MXRA8: variants seen among roughly 807,000 people sequenced by gnomAD.
The protein encoded by MXRA8 is matrix remodeling-associated protein 8.
A neutral mutation model predicts 51.4 loss-of-function variants in MXRA8; 44 were observed. That is an observed-to-expected ratio of 0.86 (90% CI 0.67 to 1.10). The LOEUF is 1.10. Ranked by LOEUF, MXRA8 falls within the 50% of genes least tolerant of loss-of-function variation. The pLI is 0.00. For missense variants in MXRA8, 765 were observed against 638.9 expected, an observed-to-expected ratio of 1.20 and a Z score of -2.13; for synonymous variants, 369 against 293.5, an observed-to-expected ratio of 1.26 and a Z score of -2.63.
In MXRA8 at chr1:1,352,932, A is replaced by G; in HGVS notation, c.*672T>C. ...GTGACTATCAAGGTGGCTGAGAGCA[A>G]GGCTAGGGTAGGGATGGGGCAGAGA... On this transcript the variant is annotated 3_prime_UTR_variant, in exon 10 of 10. Coordinates refer to ENST00000309212, the MANE Select transcript of MXRA8 (RefSeq NM_032348.4). The G allele has an allele frequency of 2.7e-6, 1 of 367,016 alleles. No individual in the cohort carries two copies. Among genetic ancestry groups the G allele is most frequent in the Non-Finnish European group, 5.0e-6 (1 of 200,128 alleles). The allele number at this position is 367,016 out of a possible 1,614,324, so 22.7% of individuals were successfully genotyped here.
chr1:1,362,357 C>G (rs565678163), upstream of MXRA8, among the ~76,000 whole-genome samples: 31 of 152,340 alleles, frequency 2.0e-4, no homozygotes, highest in Non-Finnish European at 3.7e-4. Context: ...CATCTGCCTC[C>G]TCTCGAGTAG....
Position 1,354,470 on chromosome 1 carries a change from A to G in MXRA8, c.989T>C (p.Ile330Thr). 1 of 1,612,386 alleles carries G rather than the reference A, an allele frequency of 6.2e-7. No individual in the cohort carries two copies. The highest frequency in any genetic ancestry group is 1.3e-5 in the African/African-American group (1 of 75,052). The change falls in exon 6 of 10, where the codon ATC (isoleucine) becomes ACC (threonine). Residue 330 changes from isoleucine (I) to threonine (T), a missense_variant. Coordinates refer to ENST00000309212, the MANE Select transcript of MXRA8 (RefSeq NM_032348.4). ...GAAGTGGGCTCGGCTCTCGGGGACG[A>G]TGACATTGATGACGTTGTGGCCGCG... ...LARGHNVINV[I>T]VPESRAHFFQ...
At chr1:1,361,159 CACAA>C (rs1011216618), upstream of MXRA8, 99 of 694,110 alleles carry the variant, frequency 1.4e-4, 1 homozygote, top group East Asian at 2.0e-3. Context: ...TACACGGAAA[CACAA>C]ACACACAGAC....
Position 1,358,525 on chromosome 1 carries a change from C to T in MXRA8, c.-21G>A. The T allele has an allele frequency of 2.5e-6, 4 of 1,610,232 alleles. No homozygotes were observed. Among genetic ancestry groups the T allele is most frequent in the Middle Eastern group, 1.7e-4 (1 of 6,044 alleles). On this transcript the variant is annotated 5_prime_UTR_variant, in exon 1 of 10. Coordinates refer to ENST00000309212, the MANE Select transcript of MXRA8 (RefSeq NM_032348.4). The stretch of plus-strand genomic sequence containing the variant: ...GCCATGGCCCCCGCCCAGCCCCAGG[C>T]TTTGTCCCACTCGGCTCTAAGTCTC...
Position 1,353,885 on chromosome 1 carries a change from G to A in MXRA8, c.1266C>T (p.His422=), listed in dbSNP as rs1173785524. 1.2e-6 allele frequency: 2 copies of A among 1,607,800 alleles called. No homozygotes were observed. Residue 422 remains histidine (H), a synonymous_variant, in exon 9 of 10, where the codon CAC becomes CAT. Transcript: ENST00000309212. ...CGATGTACTTGGCAGGCAGGGGGCTGTGGGCCAGCTCCGCCCTCTCCTTCA... is the reference window on the plus strand; with the variant it reads ...CGATGTACTTGGCAGGCAGGGGGCTATGGGCCAGCTCCGCCCTCTCCTTCA... ...NILKERAELA[H]SPLPAKYIDL...
In MXRA8 at chr1:1,356,708, G is replaced by T; in HGVS notation, c.50-4C>A. The stretch of plus-strand genomic sequence containing the variant: ...GAGTGCAGGAGAACAGCAGAGCCTG[G>T]AAGGAGAGGAGTGAGCTGGAGAGGC... On this transcript the variant is annotated splice_polypyrimidine_tract_variant and splice_region_variant and intron_variant, in intron 1 of 9. Transcript: ENST00000309212. 1 of 1,431,264 alleles carries T rather than the reference G, an allele frequency of 7.0e-7. No individual in the cohort carries two copies. Among genetic ancestry groups the T allele is most frequent in the Non-Finnish European group, 9.2e-7 (1 of 1,082,174 alleles). The allele number at this position is 1,431,264 out of a possible 1,614,324, so 88.7% of individuals were successfully genotyped here. A position where few individuals can be genotyped will look rare whatever the true frequency, so the allele number is the denominator to read the frequency against.
At position 1,355,677 on chromosome 1, in the gene MXRA8, GC is replaced by G; in HGVS notation, c.148del (p.Ala50ArgfsTer135). On this transcript the variant is annotated frameshift_variant, in exon 3 of 10. Transcript: ENST00000309212. LOFTEE classifies it high-confidence loss of function. ...GCGCGGGCTCTGGCAGCGCAGCACC[GC>G]CCGGGCGCCCGCCTCCCAGCTCACC... is the stretch of plus-strand genomic sequence containing the variant. ...SAVSWEAGAR[A>X]VLRCQSPRMV... is the part of the protein sequence containing the mutation. 7.4e-7 allele frequency: 1 copy of G among 1,357,214 alleles called. No homozygotes were observed. The highest frequency in any genetic ancestry group is 3.1e-5 in the East Asian group (1 of 32,316). The allele number at this position is 1,357,214 out of a possible 1,614,324, so 84.1% of individuals were successfully genotyped here.
intron 1 of MXRA8, among the ~76,000 whole-genome samples, chr1:1,358,249 C>T (rs1569807572): frequency 6.6e-6 from 1 of 152,202 alleles, no homozygotes; most frequent in East Asian, 1.9e-4. Flanking sequence ...GCTTCAACTC[C>T]CTAGGAGGGG....
At chr1:1,359,591 A>C (rs1026426337), upstream of MXRA8, 1 of 984,904 alleles carries the variant, frequency 1.0e-6, no homozygotes, top group Admixed American at 6.2e-5. Flanking sequence ...CTGGTGCCCA[A>C]GTCCTCAGAC....
At chr1:1,358,875 G>GTGGCCCCTCCGCCCCACCTC (rs1644183996), upstream of MXRA8, 23 of 1,028,264 alleles carry the variant, frequency 2.2e-5, no homozygotes, top group Non-Finnish European at 2.6e-5. Context: ...TGTTGGGTGA[G>GTGGCCCCTCCGCCCCACCTC]TGGCCCCTCC....
At chr1:1,359,534 G>GC, upstream of MXRA8, 1 of 985,368 alleles carries the variant, frequency 1.0e-6, no homozygotes, top group Non-Finnish European at 1.2e-6. Flanking sequence ...CTCCTTACAG[G>GC]CCCCGAGGGC....
chr1:1,361,127 A>C, upstream of MXRA8: 1 of 697,224 alleles, frequency 1.4e-6, no homozygotes, highest in Non-Finnish European at 2.6e-6. Flanking sequence ...GCACATGAAG[A>C]CACACGGACA....
chr1:1,358,211 GGGCCCCCAGCCCTTCTT>G (rs1644170834), intron 1 of MXRA8, among the ~76,000 whole-genome samples: 2 of 152,316 alleles, frequency 1.3e-5, no homozygotes, highest in African/African-American at 4.8e-5. Flanking sequence ...CGCCGTGCCT[GGGCCCCCAGCCCTTCTT>G]GGCCCTCTGG....
At chr1:1,358,383 C>T (rs980381334) in intron 1 of MXRA8, 73 bp downstream of exon 1, 5 of 1,499,118 alleles carry the variant, frequency 3.3e-6, no homozygotes, top group East Asian at 4.8e-5. Flanking sequence ...CTCAGATGGG[C>T]GGTTTTGTCC....
chr1:1,360,479 G>A (rs1175304553), upstream of MXRA8, among the ~76,000 whole-genome samples: 1 of 87,012 alleles, frequency 1.1e-5, no homozygotes, highest in Non-Finnish European at 2.4e-5. Context: ...CCTGGGCTGG[G>A]ACTGTGGAGC....
rs2100803735 is a variant in MXRA8, at chr1:1,354,891, G to A, written c.740C>T (p.Ala247Val). The change falls in exon 5 of 10, where the codon GCG becomes GTG. Residue 247 changes from alanine to valine, a missense_variant. Transcript: ENST00000309212. ...LFLRDRVAVG[A>V]DAFERGDFSL... ...GAAGTCACCGCGCTCAAAGGCATCCGCGCCCACAGCCACGCGGTCGCGCAG... is the reference window on the plus strand; with the variant it reads ...GAAGTCACCGCGCTCAAAGGCATCCACGCCCACAGCCACGCGGTCGCGCAG... The A allele has an allele frequency of 1.9e-6, 3 of 1,611,366 alleles. No homozygotes were observed. The highest frequency in any genetic ancestry group is 1.1e-5 in the South Asian group (1 of 90,966).
chr1:1,358,948 T>C, upstream of MXRA8: 3 of 985,306 alleles, frequency 3.0e-6, no homozygotes, highest in Non-Finnish European at 3.6e-6. Flanking sequence ...CTCAGTCTGC[T>C]CCAGGCCCCA....
At chr1:1,359,444 C>T (rs1026500069), upstream of MXRA8, 2 of 985,334 alleles carry the variant, frequency 2.0e-6, no homozygotes, top group African/African-American at 3.5e-5. Context: ...TCAAGCAAAC[C>T]TCAAGAAAAA....
upstream of MXRA8, chr1:1,361,311 C>G (rs2765025): frequency 0.96 from 676,782 of 703,336 alleles, 325,920 homozygotes; most frequent in African/African-American, 0.99. Context: ...CGTTTGCTGA[C>G]CACCTCCTGG....
Sources: allele counts gnomAD v4.1 joint callset (sites outside exome capture counted in the v4.1 genomes callset), GRCh38; gene constraint gnomAD v4.1.1; transcripts MANE v1.5; gene names NCBI Gene and HGNC (gene_info 2026-07-23, HGNC 2026-07-21).